WNK3: variants seen among roughly 807,000 people sequenced by gnomAD.
The protein encoded by WNK3 is WNK lysine deficient protein kinase 3.
Under a neutral mutation model 116.7 loss-of-function variants are expected in WNK3, and 18 were observed. That is an observed-to-expected ratio of 0.15 (90% confidence interval 0.11 to 0.23). The LOEUF (loss-of-function observed/expected upper bound fraction) is 0.23, where lower values mean the gene tolerates loss of function less well. WNK3 is among the 10% of genes least tolerant of loss of function. The probability of loss-of-function intolerance (pLI) is 1.00; values close to 1 mark genes in which losing one functional copy is unlikely to be tolerated. For missense variants in WNK3, 993 were observed against 1,323.8 expected, an observed-to-expected ratio of 0.75 and a Z score of 3.88; for synonymous variants, 404 against 469.4, an observed-to-expected ratio of 0.86 and a Z score of 1.80.
chrX:54,298,322 T>C (rs781981828), exon 7 of WNK3: 36 of 1,209,391 alleles, frequency 3.0e-5, no homozygotes, highest in Middle Eastern at 2.3e-4. Context: ...AATCATCTTC[T>C]TCTGCTAACT....
intron 21 of WNK3, among the ~76,000 whole-genome samples, chrX:54,232,338 C>T (rs1422260126): frequency 9.1e-6 from 1 of 110,266 alleles, no homozygotes; most frequent in Non-Finnish European, 1.9e-5. Flanking sequence ...GATGGGGTTT[C>T]GCCATGTTAG....
chrX:54,343,188 G>A (rs983775679), intron 1 of WNK3, among the ~76,000 whole-genome samples: 1 of 110,481 alleles, frequency 9.1e-6, no homozygotes, highest in African/African-American at 3.3e-5. Flanking sequence ...TGGGGCCATC[G>A]TGGATCTTCA....
At chrX:54,302,711 C>CTG (rs2068771960) in intron 5 of WNK3, among the ~76,000 whole-genome samples, 4 of 27,643 alleles carry the variant, frequency 1.4e-4, no homozygotes, top group Non-Finnish European at 2.8e-4. Flanking sequence ...CTCTCTCTCT[C>CTG]TCTCTCTCTC....
At chrX:54,201,881 T>C in intron 23 of WNK3, 110 bp downstream of exon 23, 2 of 616,458 alleles carry the variant, frequency 3.2e-6, no homozygotes, top group Non-Finnish European at 5.0e-6. Context: ...AGTCTCTATG[T>C]TATCAAGTCA....
chrX:54,278,511 G>C (rs1557161545), intron 10 of WNK3, among the ~76,000 whole-genome samples: 1 of 110,831 alleles, frequency 9.0e-6, no homozygotes, highest in African/African-American at 3.3e-5. Flanking sequence ...GTAGTCAAGA[G>C]AGTATGTAAT....
At chrX:54,254,912 G>A (rs782743250) in intron 12 of WNK3, among the ~76,000 whole-genome samples, 3 of 111,414 alleles carry the variant, frequency 2.7e-5, no homozygotes, top group Non-Finnish European at 5.7e-5. Flanking sequence ...TTTAAAGTCC[G>A]ATCTAGGTTC....
chrX:54,319,397 A>G (rs1387527447), intron 2 of WNK3, among the ~76,000 whole-genome samples: 1 of 111,130 alleles, frequency 9.0e-6, no homozygotes, highest in East Asian at 2.8e-4. Context: ...TCCTGAGCTC[A>G]AGTGATCTGC....
At chrX:54,325,971 G>A (rs1303320687) in intron 2 of WNK3, among the ~76,000 whole-genome samples, 2 of 110,759 alleles carry the variant, frequency 1.8e-5, no homozygotes, top group East Asian at 2.8e-4. Flanking sequence ...TAGCACTTAC[G>A]ACTTATAGCC....
At chrX:54,341,980 G>A (rs888745595) in intron 1 of WNK3, among the ~76,000 whole-genome samples, 2 of 112,138 alleles carry the variant, frequency 1.8e-5, no homozygotes, top group Middle Eastern at 9.3e-3. Flanking sequence ...CCTGGCCAGG[G>A]CCAGTGGCTA....
chrX:54,274,858 A>G (rs1423273825), intron 10 of WNK3, among the ~76,000 whole-genome samples: 1 of 109,097 alleles, frequency 9.2e-6, no homozygotes, highest in African/African-American at 3.3e-5. Context: ...AACAAAAACA[A>G]CAAAAGGCTG....
exon 17 of WNK3, chrX:54,248,759 T>A: frequency 8.3e-7 from 1 of 1,211,911 alleles, no homozygotes; most frequent in Non-Finnish European, 1.1e-6. Flanking sequence ...AACACTGATA[T>A]ATTAGCAGGC....
At position 54,224,834 on chromosome X, in the gene WNK3, G is replaced by A. The variant is rs371755404; in HGVS notation, c.4870+3880C>T. 2.6e-4 allele frequency among the ~76,000 whole-genome samples: 29 copies of A among 111,033 alleles called. No homozygotes were observed. In the East Asian group the frequency reaches 5.2e-3, roughly 20 times the overall value. On this transcript the variant is annotated intron_variant, in intron 22 of 23. Coordinates refer to ENST00000354646, the Ensembl canonical transcript of WNK3. ...TCCGCCCACCTCGGCCTCCCAAAGT[G>A]CTGGGATTACAGGCGTGAGCCACCG...
chrX:54,233,812 GA>G (rs781927998), intron 20 of WNK3, among the ~76,000 whole-genome samples: 403 of 66,712 alleles, frequency 6.0e-3, no homozygotes, highest in African/African-American at 0.014. Flanking sequence ...CTGTCTCTCT[GA>G]AAAAAAAAAA....
At chrX:54,235,752 G>C in intron 20 of WNK3, among the ~76,000 whole-genome samples, 1 of 111,919 alleles carries the variant, frequency 8.9e-6, no homozygotes, top group South Asian at 3.8e-4. Context: ...TCGTCAATAG[G>C]AGGCTAGTAA....
chrX:54,218,452 G>A (rs528759408), intron 22 of WNK3, among the ~76,000 whole-genome samples: 2 of 109,110 alleles, frequency 1.8e-5, no homozygotes, highest in Middle Eastern at 4.7e-3. Context: ...AGTATCTGAA[G>A]TGAAAAATTA....
At chrX:54,260,318 G>A (rs923686710) in intron 10 of WNK3, among the ~76,000 whole-genome samples, 3 of 111,260 alleles carry the variant, frequency 2.7e-5, no homozygotes, top group African/African-American at 9.8e-5. Flanking sequence ...CAAATATTTC[G>A]GCAAATAGTG....
intron 17 of WNK3, among the ~76,000 whole-genome samples, chrX:54,240,345 G>A (rs2068010415): frequency 9.1e-6 from 1 of 109,985 alleles, no homozygotes. Context: ...ACTTATGGCA[G>A]GTCAGGACAT....
exon 24 of WNK3, chrX:54,198,342 G>A (rs782731714): frequency 5.1e-5 from 61 of 1,194,480 alleles, no homozygotes; most frequent in Non-Finnish European, 6.7e-5. Flanking sequence ...GACCAGGAGG[G>A]ATTGTGGCAG....
intron 1 of WNK3, among the ~76,000 whole-genome samples, chrX:54,336,565 T>C (rs1390805385): frequency 5.4e-5 from 6 of 110,911 alleles, no homozygotes; most frequent in Non-Finnish European, 1.1e-4. Context: ...TTAAACAGTA[T>C]GGAGTAAGTG....
Sources: allele counts gnomAD v4.1 joint callset (sites outside exome capture counted in the v4.1 genomes callset), GRCh38; gene constraint gnomAD v4.1.1; transcripts MANE v1.5; gene names NCBI Gene and HGNC (gene_info 2026-07-23, HGNC 2026-07-21).